DNAAF8: variants seen among roughly 807,000 people sequenced by gnomAD.
The protein encoded by DNAAF8 is dynein axonemal assembly factor 8.
DNAAF8 carries 61 observed loss-of-function variants against 54.6 expected under a neutral mutation model. The observed-to-expected ratio is 1.12, with a 90% CI of 0.91 to 1.38. The LOEUF (loss-of-function observed/expected upper bound fraction) is 1.38. DNAAF8 is among the 40% of genes most tolerant of loss of function. DNAAF8 has a pLI of 0.00. For missense variants in DNAAF8, 837 were observed against 665.0 expected (o/e 1.26, Z -2.85); for synonymous variants, 320 against 270.1 (o/e 1.18, Z -1.81).
chr16:4,742,698 C>T (rs1265306176), intron 4 of DNAAF8, among the ~76,000 whole-genome samples: 8 of 152,012 alleles, frequency 5.3e-5, no homozygotes, highest in African/African-American at 7.3e-5. Flanking sequence ...CCAGCCTGAG[C>T]GACAGAGTGA....
intron 3 of DNAAF8, among the ~76,000 whole-genome samples, chr16:4,739,265 G>GTTTTTTTTTATTTTTTTTT (rs2081931784): frequency 1.4e-5 from 1 of 69,030 alleles, no homozygotes; most frequent in Non-Finnish European, 2.6e-5. Flanking sequence ...ATTTTTTCTT[G>GTTTTTTTTTATTTTTTTTT]TTTTTTTTTT....
intron 2 of DNAAF8, among the ~76,000 whole-genome samples, chr16:4,737,185 A>C (rs2081909790): frequency 6.6e-6 from 1 of 152,118 alleles, no homozygotes; most frequent in African/African-American, 2.4e-5. Flanking sequence ...ACAGGTTGGC[A>C]CTGGGCGTTA....
chr16:4,745,847 G>A (rs1265552376), intron 6 of DNAAF8, among the ~76,000 whole-genome samples: 1 of 151,944 alleles, frequency 6.6e-6, no homozygotes, highest in Admixed American at 6.6e-5. Context: ...CAGCTACTTG[G>A]GAGGCTGAGG....
chr16:4,747,592 G>A lies in DNAAF8; in HGVS notation c.1530G>A (p.Arg510=). ...ATGTTCCTGAGCCAGGGGCAGCCAG[G>A]GAGGCCCTGATGCCTCCTCTGGAGC... ...LGDVPEPGAA[R]EALMPPLEQL The change falls in exon 9 of 10, where the codon AGG becomes AGA. Residue 510 remains arginine, a synonymous_variant. Coordinates refer to ENST00000299320, the MANE Select transcript of DNAAF8 (RefSeq NM_139170.3). The A allele has an allele frequency of 6.2e-7, 1 of 1,610,396 alleles. No individual in the cohort carries two copies. The highest frequency in any genetic ancestry group is 1.1e-5 in the South Asian group (1 of 90,882).
Position 4,749,207 on chromosome 16 carries a change from G to A in DNAAF8, c.*492G>A, listed in dbSNP as rs2082054890. 1 of 154,494 alleles carries A rather than the reference G, an allele frequency of 6.5e-6. No homozygotes were observed. The highest frequency in any genetic ancestry group is 2.0e-4 in the South Asian group (1 of 4,936). 9.6% of individuals were successfully genotyped at this position (154,494 alleles called of 1,614,324 possible). On this transcript the variant is annotated 3_prime_UTR_variant, in exon 10 of 10. Transcript: ENST00000299320. Reference sequence around the variant, plus strand: ...CTCCACTCCGGGGCCTGTGCCGCCAGAACCGGGCTCTGCCCCCATACGCTG... The same window carrying A: ...CTCCACTCCGGGGCCTGTGCCGCCAAAACCGGGCTCTGCCCCCATACGCTG...
chr16:4,745,964 A>AAAAAAAG (rs2082011354), intron 6 of DNAAF8, among the ~76,000 whole-genome samples: 1 of 151,814 alleles, frequency 6.6e-6, no homozygotes, highest in Non-Finnish European at 1.5e-5. Context: ...AAAAAAAAAA[A>AAAAAAAG]AAAAAGAAAA....
At chr16:4,747,977 G>A (rs1487236444) in intron 9 of DNAAF8, among the ~76,000 whole-genome samples, 1 of 152,072 alleles carries the variant, frequency 6.6e-6, no homozygotes, top group African/African-American at 2.4e-5. Flanking sequence ...TTTTTAAACA[G>A]GCATCTATTA....
chr16:4,735,042 G>C (rs1291349794), intron 1 of DNAAF8: 1 of 152,174 alleles, frequency 6.6e-6, no homozygotes, highest in Non-Finnish European at 1.5e-5. Flanking sequence ...TCAACTTGGC[G>C]TTCAGGGCCC....
rs749529714 is a variant in DNAAF8 at position 4,740,310 on chromosome 16, G to C, written c.434G>C (p.Arg145Thr). ...CTTGGGATGGCCGAGGAGCCCCCCA[G>C]GTGGCTGGAAGGCGACCTTGGAAGC... ...ALLGMAEEPP[R>T]WLEGDLGSLS... The change falls in exon 4 of 10, where the codon AGG becomes ACG. Residue 145 changes from arginine (R) to threonine (T), a missense_variant. Transcript: ENST00000299320. 3.1e-6 allele frequency: 5 copies of C among 1,614,004 alleles called. No homozygotes were observed. In the Admixed American group the frequency reaches 5.0e-5, roughly 16 times the overall value.
chr16:4,747,776 C>A, intron 9 of DNAAF8, 142 bp downstream of exon 9: 3 of 976,264 alleles, frequency 3.1e-6, no homozygotes, highest in Non-Finnish European at 4.4e-6. Flanking sequence ...GTTGCCCACC[C>A]TGTTAGAGCT....
chr16:4,738,075 C>A, intron 3 of DNAAF8, 129 bp downstream of exon 3: 1 of 1,207,120 alleles, frequency 8.3e-7, no homozygotes, highest in Non-Finnish European at 1.1e-6. Context: ...CCCCCATGTA[C>A]AACCCAAGGT....
intron 2 of DNAAF8, among the ~76,000 whole-genome samples, chr16:4,737,567 G>C (rs1039340258): frequency 6.6e-6 from 1 of 152,172 alleles, no homozygotes; most frequent in Non-Finnish European, 1.5e-5. Context: ...TCACCTCCAC[G>C]AGGTTGTGCT....
At chr16:4,746,324 CAG>C in intron 6 of DNAAF8, 49 bp from the exon 7 acceptor site, 3 of 1,560,874 alleles carry the variant, frequency 1.9e-6, no homozygotes, top group Non-Finnish European at 2.6e-6. Context: ...GCGCAGGTCA[CAG>C]AGTTATCACA....
In DNAAF8 at chr16:4,744,999, A is replaced by C; in HGVS notation, c.1031A>C (p.Asp344Ala). 6.2e-7 allele frequency: 1 copy of C among 1,613,372 alleles called. No individual in the cohort carries two copies. The highest frequency in any genetic ancestry group is 2.2e-5 in the East Asian group (1 of 44,834). Reference sequence around the variant, plus strand: ...ACTCCCCAGGACACCAAAGAGGCAGATTCAGGAAGCAGGTGGGACTTGTAG... The same window carrying C: ...ACTCCCCAGGACACCAAAGAGGCAGCTTCAGGAAGCAGGTGGGACTTGTAG... ...ADTPQDTKEADSGSRCASRKQ... is the reference protein window; with the variant it reads ...ADTPQDTKEAASGSRCASRKQ... Residue 344 changes from aspartate to alanine, a missense_variant, in exon 6 of 10, where the codon GAT (aspartate) becomes GCT (alanine). Physicochemically the swap from Asp to Ala is moderately radical, Grantham distance 126. Coordinates refer to ENST00000299320, the MANE Select transcript of DNAAF8 (RefSeq NM_139170.3).
chr16:4,737,752 G>T lies in DNAAF8; in HGVS notation c.130-48G>T, dbSNP rs776293447. 43 of 1,605,330 alleles carry T rather than the reference G, an allele frequency of 2.7e-5. No homozygotes were observed. In the Middle Eastern group the frequency reaches 5.5e-4, roughly 21 times the overall value. ...GAGCGGGGGTGGCTAGGCCCTCAGG[G>T]CTCTGCCTGCTGCCTTGTCCTCCAA... On this transcript the variant is annotated intron_variant, in intron 2 of 9. Transcript: ENST00000299320.
intron 1 of DNAAF8, 112 bp from the exon 2 acceptor site, chr16:4,736,352 C>A: frequency 1.5e-6 from 1 of 688,510 alleles, no homozygotes; most frequent in Non-Finnish European, 2.1e-6. Flanking sequence ...GAAACTGAGG[C>A]AGGTGGTGAG....
chr16:4,738,573 C>T (rs1005607552), intron 3 of DNAAF8, among the ~76,000 whole-genome samples: 34 of 152,338 alleles, frequency 2.2e-4, no homozygotes, highest in Admixed American at 1.9e-3. Context: ...TGAGACCAGC[C>T]TGGGCAATAC....
intron 7 of DNAAF8, 36 bp downstream of exon 7, chr16:4,746,548 A>G: frequency 1.3e-6 from 2 of 1,595,458 alleles, no homozygotes; most frequent in Non-Finnish European, 1.7e-6. Context: ...ACCAGCCTCT[A>G]CTTTGCAGAG....
At chr16:4,739,265 G>GTTTTTTTTTTTCTTTTTTTTTTTTTTT (rs2081931930) in intron 3 of DNAAF8, among the ~76,000 whole-genome samples, 1 of 69,030 alleles carries the variant, frequency 1.4e-5, no homozygotes, top group Non-Finnish European at 2.6e-5. Context: ...ATTTTTTCTT[G>GTTTTTTTTTTTCTTTTTTTTTTTTTTT]TTTTTTTTTT....
Sources: allele counts gnomAD v4.1 joint callset (sites outside exome capture counted in the v4.1 genomes callset), GRCh38; gene constraint gnomAD v4.1.1; transcripts MANE v1.5; gene names NCBI Gene and HGNC (gene_info 2026-07-23, HGNC 2026-07-21).